Variants in ANKRD30A observed in about 807,000 individuals in gnomAD.
ANKRD30A encodes the protein ankyrin repeat domain 30A, also known as ankyrin repeat domain-containing protein 30A.
Under a neutral mutation model 166.3 loss-of-function variants are expected in ANKRD30A, and 170 were observed. That is an observed-to-expected ratio of 1.02 (90% CI 0.90 to 1.16). The LOEUF (loss-of-function observed/expected upper bound fraction) is 1.16, where lower values mean the gene tolerates loss of function less well. Ranked by LOEUF, ANKRD30A falls within the 50% of genes most tolerant of loss-of-function variation. The pLI is 0.00. For synonymous variants in ANKRD30A, 564 were observed against 508.9 expected, an observed-to-expected ratio of 1.11 and a Z score of -1.46; for missense variants, 1,630 against 1,518.0, an observed-to-expected ratio of 1.07 and a Z score of -1.23.
the ANKRD30A span, among the ~76,000 whole-genome samples, chr10:37,245,203 A>G: frequency 3.3e-5 from 5 of 152,260 alleles, no homozygotes; most frequent in East Asian, 7.7e-4. Flanking sequence ...TGATCCTATC[A>G]CAAATTTTAT....
intron 27 of ANKRD30A, among the ~76,000 whole-genome samples, chr10:37,195,661 G>A (rs528765767): frequency 5.9e-5 from 9 of 152,306 alleles, no homozygotes; most frequent in South Asian, 2.1e-4. Flanking sequence ...TTGGGAGGCC[G>A]TGACTGACAG....
intron 12 of ANKRD30A, among the ~76,000 whole-genome samples, chr10:37,152,913 A>C (rs17606073): frequency 6.6e-6 from 1 of 152,150 alleles, no homozygotes; most frequent in African/African-American, 2.4e-5. Flanking sequence ...TTATTAGACA[A>C]AAAGACTTTA....
chr10:37,219,876 A>G lies in ANKRD30A; in HGVS notation c.4164A>G (p.Glu1388=), dbSNP rs1223216146. 10 of 1,522,886 alleles carry G rather than the reference A, an allele frequency of 6.6e-6. No individual in the cohort carries two copies. The highest frequency in any genetic ancestry group is 7.9e-6 in the Non-Finnish European group (9 of 1,135,620). 94.3% of individuals were successfully genotyped at this position (1,522,886 alleles called of 1,614,324 possible). A position where few individuals can be genotyped will look rare whatever the true frequency, so the allele number is the denominator to read the frequency against. ...TAAAAAACCGTATATATCAATATGA[A>G]AAAGAGAAAGCAGAAACAGAAGTAA... ...NHLKNRIYQY[E]KEKAETENS The change falls in exon 34 of 36, where the codon GAA becomes GAG. Residue 1388 remains glutamate (E), a synonymous_variant. Coordinates refer to ENST00000361713, the MANE Select transcript of ANKRD30A (RefSeq NM_052997.3).
intron 31 of ANKRD30A, among the ~76,000 whole-genome samples, chr10:37,202,778 A>G (rs1841729248): frequency 6.6e-6 from 1 of 152,182 alleles, no homozygotes; most frequent in African/African-American, 2.4e-5. Context: ...AGAATCAAAT[A>G]GACACAATAA....
chr10:37,152,119 G>T lies in ANKRD30A; in HGVS notation c.1705G>T (p.Glu569Ter). 2 of 1,604,748 alleles carry T rather than the reference G, an allele frequency of 1.2e-6. No homozygotes were observed. The highest frequency in any genetic ancestry group is 1.7e-6 in the Non-Finnish European group (2 of 1,172,984). The change falls in exon 12 of 36, where the codon GAG (glutamate) becomes TAG (stop). Residue 569 changes from glutamate to a stop codon, truncating the protein, a stop_gained and splice_region_variant. Coordinates refer to ENST00000361713, the MANE Select transcript of ANKRD30A (RefSeq NM_052997.3). LOFTEE classifies it high-confidence loss of function. ...CTATGAAGAAAATTCTTGGGATTCT[G>T]AGGTACTATGTGTTATTGATTTTTT... ...KDYEENSWDS[E>*]SLCETVSQKD...
At chr10:37,159,039 CTT>C (rs1414294263) in intron 15 of ANKRD30A, among the ~76,000 whole-genome samples, 1 of 151,972 alleles carries the variant, frequency 6.6e-6, no homozygotes, top group Non-Finnish European at 1.5e-5. Flanking sequence ...GTGTGTGTGA[CTT>C]TTAATTTTAA....
At chr10:37,215,326 AC>A (rs982464918) in intron 31 of ANKRD30A, among the ~76,000 whole-genome samples, 2 of 149,998 alleles carry the variant, frequency 1.3e-5, no homozygotes, top group Non-Finnish European at 3.0e-5. Context: ...ATTTTGTAAG[AC>A]CCCCCCGACC....
At chr10:37,233,520 G>A (rs535254760), downstream of ANKRD30A, among the ~76,000 whole-genome samples, 35 of 152,074 alleles carry the variant, frequency 2.3e-4, no homozygotes, top group Middle Eastern at 3.4e-3. Flanking sequence ...AGTTTTTAGC[G>A]GGCAAAGTGC....
chr10:37,194,957 T>C (rs1013831925), intron 27 of ANKRD30A, among the ~76,000 whole-genome samples: 2 of 152,178 alleles, frequency 1.3e-5, no homozygotes, highest in Non-Finnish European at 2.9e-5. Flanking sequence ...TACTTTCCAA[T>C]ATGCATTACA....
chr10:37,159,637 T>C (rs1391558609), intron 15 of ANKRD30A, among the ~76,000 whole-genome samples: 5 of 152,242 alleles, frequency 3.3e-5, no homozygotes, highest in Admixed American at 1.3e-4. Flanking sequence ...ATAGGCTATA[T>C]GTAGAATTTG....
intron 15 of ANKRD30A, among the ~76,000 whole-genome samples, chr10:37,159,145 A>T (rs1368300278): frequency 6.6e-6 from 1 of 152,164 alleles, no homozygotes; most frequent in African/African-American, 2.4e-5. Flanking sequence ...GTGTCTTTTA[A>T]TGCTACTGTA....
intron 9 of ANKRD30A, among the ~76,000 whole-genome samples, chr10:37,148,306 TTC>T (rs1412453816): frequency 6.6e-6 from 1 of 152,010 alleles, no homozygotes; most frequent in Non-Finnish European, 1.5e-5. Context: ...TTCCTTTTAT[TTC>T]TGAGTATGCT....
chr10:37,229,964 T>C (rs796972309), intron 34 of ANKRD30A, among the ~76,000 whole-genome samples: 53 of 152,050 alleles, frequency 3.5e-4, no homozygotes, highest in African/African-American at 1.2e-3. Flanking sequence ...TTTTACTCTT[T>C]TAGTTATTTT....
chr10:37,194,621 A>G (rs1840912642), intron 27 of ANKRD30A, among the ~76,000 whole-genome samples: 1 of 152,140 alleles, frequency 6.6e-6, no homozygotes, highest in African/African-American at 2.4e-5. Flanking sequence ...CTGGAATTAC[A>G]GGCGTGAGGC....
the ANKRD30A span, among the ~76,000 whole-genome samples, chr10:37,265,743 G>C: frequency 1.3e-5 from 2 of 152,252 alleles, no homozygotes; most frequent in African/African-American, 4.8e-5. Flanking sequence ...CAGAACCCAG[G>C]TGGAAAGGGA....
downstream of ANKRD30A, among the ~76,000 whole-genome samples, chr10:37,232,822 G>A (rs1227242199): frequency 1.4e-5 from 2 of 145,474 alleles, no homozygotes; most frequent in African/African-American, 5.1e-5. Context: ...AAGATTTCAA[G>A]GCTGTAGTGT....
At chr10:37,141,525 A>G (rs1837106154) in intron 6 of ANKRD30A, among the ~76,000 whole-genome samples, 193 bp from the exon 7 acceptor site, 1 of 147,542 alleles carries the variant, frequency 6.8e-6, no homozygotes, top group African/African-American at 2.5e-5. Context: ...TTGAGCTGAG[A>G]TCACACCACT....
At chr10:37,207,731 T>G (rs1407487639) in intron 31 of ANKRD30A, among the ~76,000 whole-genome samples, 1 of 151,968 alleles carries the variant, frequency 6.6e-6, no homozygotes, top group Non-Finnish European at 1.5e-5. Context: ...ATAATAGTTT[T>G]TTGAAAATAT....
intron 27 of ANKRD30A, among the ~76,000 whole-genome samples, chr10:37,195,176 A>T (rs1317658794): frequency 1.3e-5 from 2 of 152,236 alleles, no homozygotes; most frequent in East Asian, 3.8e-4. Flanking sequence ...ATAAGGTTTT[A>T]AAGTGCCAAA....
Sources: allele counts gnomAD v4.1 joint callset (sites outside exome capture counted in the v4.1 genomes callset), GRCh38; gene constraint gnomAD v4.1.1; transcripts MANE v1.5; gene names NCBI Gene and HGNC (gene_info 2026-07-23, HGNC 2026-07-21).